Variants in PCDHA11 observed in about 807,000 individuals in gnomAD.
PCDHA11 encodes protocadherin alpha 11, also known as protocadherin alpha-11.
In PCDHA11, 61 loss-of-function variants were observed where a neutral mutation model predicts 70.3. The ratio of observed to expected loss-of-function variants is 0.87; its 90% CI spans 0.71 to 1.07. The LOEUF (loss-of-function observed/expected upper bound fraction) is 1.07, where lower values mean the gene tolerates loss of function less well. PCDHA11 is among the 50% of genes least tolerant of loss of function. The probability of loss-of-function intolerance (pLI) is 0.00; values close to 1 mark genes in which losing one functional copy is unlikely to be tolerated. For missense variants in PCDHA11, 1,324 were observed against 1,237.5 expected (o/e 1.07, Z -1.05); for synonymous variants, 633 against 555.1 (o/e 1.14, Z -1.97).
At chr5:140,984,633 T>G (rs2097112196) in intron 3 of PCDHA11, among the ~76,000 whole-genome samples, 1 of 152,206 alleles carries the variant, frequency 6.6e-6, no homozygotes, top group African/African-American at 2.4e-5. Flanking sequence ...AAAGGGATTC[T>G]CTGCCTTCTC....
At chr5:140,966,268 A>C (rs542154117) in intron 1 of PCDHA11, 5 of 351,754 alleles carry the variant, frequency 1.4e-5, no homozygotes, top group African/African-American at 1.0e-4. Context: ...AGACTGGATG[A>C]ACTGGACAGT....
chr5:140,877,005 C>G, intron 1 of PCDHA11: 1 of 1,612,474 alleles, frequency 6.2e-7, no homozygotes, highest in Non-Finnish European at 8.5e-7. Context: ...TGTCGGTGCA[C>G]GCGGAGAGCG....
At chr5:140,923,165 A>G (rs1307354165) in intron 1 of PCDHA11, among the ~76,000 whole-genome samples, 1 of 152,148 alleles carries the variant, frequency 6.6e-6, no homozygotes. Context: ...AGAAAGATAA[A>G]TTTTTGTTCA....
intron 1 of PCDHA11, chr5:140,968,562 C>T (rs1210264786): frequency 4.3e-6 from 7 of 1,614,090 alleles, no homozygotes; most frequent in Non-Finnish European, 8.5e-7. Context: ...CGAACTGCCC[C>T]TGCTGGCTAC....
At chr5:140,876,172 G>C in intron 1 of PCDHA11, 1 of 1,613,970 alleles carries the variant, frequency 6.2e-7, no homozygotes, top group East Asian at 2.2e-5. Flanking sequence ...AACCGTCCTG[G>C]ATGTGAATGA....
In PCDHA11 at chr5:141,011,549, GA is replaced by G. The variant is rs2098421039; in HGVS notation, c.*1615del. Reference sequence around the variant, plus strand: ...CCATTGTTAATCAGCTTTTGTGTATGAAAGACACAGTAAAATTTCTTTCTTA... The same window carrying G: ...CCATTGTTAATCAGCTTTTGTGTATGAAGACACAGTAAAATTTCTTTCTTA... On this transcript the variant is annotated 3_prime_UTR_variant, in exon 4 of 4. Coordinates refer to ENST00000398640, the MANE Select transcript of PCDHA11 (RefSeq NM_018902.5). 1 of 153,674 alleles carries G rather than the reference GA, an allele frequency of 6.5e-6. No individual in the cohort carries two copies. Among genetic ancestry groups the G allele is most frequent in the Non-Finnish European group, 1.5e-5 (1 of 68,008 alleles). The allele number at this position is 153,674 out of a possible 1,614,324, so 9.5% of individuals were successfully genotyped here. A position where few individuals can be genotyped will look rare whatever the true frequency, so the allele number is the denominator to read the frequency against.
At chr5:140,968,480 A>G in intron 1 of PCDHA11, 1 of 1,614,140 alleles carries the variant, frequency 6.2e-7, no homozygotes. Flanking sequence ...TGTGGTGGAC[A>G]TGAATGACCA....
chr5:140,876,925 C>G (rs1554169109), intron 1 of PCDHA11: 1 of 1,613,838 alleles, frequency 6.2e-7, no homozygotes, highest in South Asian at 1.1e-5. Flanking sequence ...CGCGGACGCG[C>G]AGAAGAACGC....
intron 1 of PCDHA11, chr5:140,876,422 A>G: frequency 1.2e-6 from 2 of 1,613,978 alleles, no homozygotes; most frequent in Non-Finnish European, 1.7e-6. Context: ...AATGCCTATG[A>G]AATTCAGGTT....
intron 1 of PCDHA11, among the ~76,000 whole-genome samples, chr5:140,972,660 A>ATT (rs11350929): frequency 4.2e-4 from 49 of 117,232 alleles, no homozygotes; most frequent in Non-Finnish European, 5.7e-4. Context: ...AAGAAACCAA[A>ATT]TTTTTTTTTT....
chr5:141,008,872 A>C (rs1174901625), intron 3 of PCDHA11, among the ~76,000 whole-genome samples: 1 of 152,140 alleles, frequency 6.6e-6, no homozygotes, highest in Non-Finnish European at 1.5e-5. Context: ...GCTGCATCCC[A>C]CCACCCTTCA....
intron 1 of PCDHA11, among the ~76,000 whole-genome samples, chr5:140,954,899 T>C (rs2095107956): frequency 6.6e-6 from 1 of 152,196 alleles, no homozygotes; most frequent in South Asian, 2.1e-4. Flanking sequence ...GTTTTTATAG[T>C]TTCATACTTT....
At chr5:140,942,838 A>G (rs2093377015) in intron 1 of PCDHA11, among the ~76,000 whole-genome samples, 1 of 152,198 alleles carries the variant, frequency 6.6e-6, no homozygotes, top group Non-Finnish European at 1.5e-5. Context: ...GTCAATAAAA[A>G]TTCCAGTAAG....
chr5:140,931,430 A>G (rs1431087207), intron 1 of PCDHA11, among the ~76,000 whole-genome samples: 2 of 149,950 alleles, frequency 1.3e-5, no homozygotes, highest in Non-Finnish European at 3.0e-5. Flanking sequence ...AGTTAGAAGG[A>G]AAATTAGCTA....
chr5:140,913,463 G>C (rs1230048611), intron 1 of PCDHA11, among the ~76,000 whole-genome samples: 4 of 151,500 alleles, frequency 2.6e-5, no homozygotes, highest in African/African-American at 2.4e-5. Flanking sequence ...TATTTACTTG[G>C]GTCTTCTCTC....
At chr5:140,959,499 C>T (rs2095491321) in intron 1 of PCDHA11, among the ~76,000 whole-genome samples, 1 of 151,982 alleles carries the variant, frequency 6.6e-6, no homozygotes. Flanking sequence ...ATGGATCAAA[C>T]TAAAAAATTT....
At chr5:140,906,709 GC>G (rs1228410148) in intron 1 of PCDHA11, among the ~76,000 whole-genome samples, 7 of 152,190 alleles carry the variant, frequency 4.6e-5, no homozygotes, top group African/African-American at 1.4e-4. Context: ...TTGTAGTCCT[GC>G]CTGGATTGTG....
In PCDHA11 at chr5:140,871,061, A is replaced by G. The variant is rs2052667671; in HGVS notation, c.1958A>G (p.His653Arg). 1 of 1,613,082 alleles carries G rather than the reference A, an allele frequency of 6.2e-7. No individual in the cohort carries two copies. Among genetic ancestry groups the G allele is most frequent in the African/African-American group, 1.3e-5 (1 of 74,914 alleles). ...CGACTTCTAGTACTGGTGAAGGATC[A>G]CGGTGAGCCGGCGCTGACGGCCACG... is the stretch of plus-strand genomic sequence containing the variant. ...RHRLLVLVKDHGEPALTATAT... is the reference protein window; with the variant it reads ...RHRLLVLVKDRGEPALTATAT... Residue 653 changes from histidine (H) to arginine (R), a missense_variant, in exon 1 of 4, where the codon CAC becomes CGC. Physicochemically the swap from His to Arg is conservative, Grantham distance 29. Coordinates refer to ENST00000398640, the MANE Select transcript of PCDHA11 (RefSeq NM_018902.5).
chr5:140,937,317 G>C (rs1282380622), intron 1 of PCDHA11, among the ~76,000 whole-genome samples: 1 of 152,048 alleles, frequency 6.6e-6, no homozygotes, highest in Non-Finnish European at 1.5e-5. Context: ...GATTACAGGC[G>C]TGAGCCACCG....
Sources: gnomAD v4.1 joint callset for allele counts (sites outside exome capture counted in the v4.1 genomes callset) on GRCh38, gnomAD v4.1.1 for gene constraint, MANE v1.5 for transcripts, NCBI Gene and HGNC (gene_info 2026-07-23, HGNC 2026-07-21) for gene names.